Variants in DNHD1 observed in about 807,000 individuals in gnomAD.
DNHD1 encodes the protein dynein heavy chain domain-containing protein 1.
A neutral mutation model predicts 458.1 loss-of-function variants in DNHD1; 383 were observed. The observed-to-expected ratio is 0.84, with a 90% CI of 0.77 to 0.91. The LOEUF (loss-of-function observed/expected upper bound fraction) is 0.91. DNHD1 is among the 40% of genes least tolerant of loss of function. The pLI, the probability that DNHD1 is intolerant of heterozygous loss-of-function variation, is 0.00. For synonymous variants in DNHD1, 2,203 were observed against 2,376.9 expected, an observed-to-expected ratio of 0.93 and a Z score of 2.13; for missense variants, 5,336 against 5,866.1, an observed-to-expected ratio of 0.91 and a Z score of 2.95.
At position 6,571,458 on chromosome 11, in the gene DNHD1, TC is replaced by T. The variant is rs1564826678; in HGVS notation, c.13911+39del. The T allele has an allele frequency of 2.6e-6, 4 of 1,529,260 alleles. No individual in the cohort carries two copies. The highest frequency in any genetic ancestry group is 3.5e-6 in the Non-Finnish European group (4 of 1,133,456). 94.7% of individuals were successfully genotyped at this position (1,529,260 alleles called of 1,614,324 possible). On this transcript the variant is annotated intron_variant, in intron 42 of 42. Transcript: ENST00000254579. This position sits in a 1 kb window ranked among gnomAD's most constrained non-coding sequence, Gnocchi z 5.0. ...CGCCGCCCCTCGTTCGCGGTTCCAG[TC>T]CCCTCGAAGTCTCTAATTACACCTC...
chr11:6,519,781 A>C lies in DNHD1; in HGVS notation c.1574A>C (p.Asp525Ala). 1 of 1,613,802 alleles carries C rather than the reference A, an allele frequency of 6.2e-7. No homozygotes were observed. The highest frequency in any genetic ancestry group is 8.5e-7 in the Non-Finnish European group (1 of 1,180,032). ...LQLGKFARLV[D>A]YMICQSLISV... ...CTGGGAAAGTTTGCCCGCCTGGTTG[A>C]CTACATGATTTGTCAGAGCCTCATT... The change falls in exon 8 of 43, where the codon GAC becomes GCC. Residue 525 changes from aspartate to alanine, a missense_variant. Asp to Ala is a moderately radical substitution (Grantham distance 126). This residue lies in a region of DNHD1 where 3,932 missense variants were observed against 4,365.6 expected (regional missense o/e 0.90). Transcript: ENST00000254579.
intron 37 of DNHD1, 85 bp from the exon 38 acceptor site, chr11:6,568,369 G>T: frequency 6.3e-7 from 1 of 1,587,208 alleles, no homozygotes; most frequent in South Asian, 1.1e-5. Flanking sequence ...TCTGACTCCT[G>T]ACACCCCTAG....
At chr11:6,515,875 C>G (rs894154535) in intron 7 of DNHD1, among the ~76,000 whole-genome samples, 1 of 150,726 alleles carries the variant, frequency 6.6e-6, no homozygotes, top group East Asian at 1.9e-4. Flanking sequence ...ACCTCCACCC[C>G]CTTGGGCTCA....
At chr11:6,522,129 T>C (rs970010514) in intron 10 of DNHD1, among the ~76,000 whole-genome samples, 6 of 152,226 alleles carry the variant, frequency 3.9e-5, no homozygotes, top group Non-Finnish European at 7.3e-5. Flanking sequence ...GTTGGCCGCA[T>C]GTATGTCTTC....
Position 6,563,996 on chromosome 11 carries a change from G to C in DNHD1, c.10156G>C (p.Glu3386Gln), listed in dbSNP as rs1478917284. The C allele has an allele frequency of 3.2e-6, 5 of 1,551,738 alleles. No individual in the cohort carries two copies. Among genetic ancestry groups the C allele is most frequent in the Admixed American group, 3.9e-5 (2 of 51,012 alleles). ...EHNLALAKMV[E>Q]DAQASHNCVA... The stretch of plus-strand genomic sequence containing the variant: ...TAATTTGGCCCTGGCTAAGATGGTG[G>C]AGGATGCCCAAGCTTCCCACAACTG... The change falls in exon 31 of 43, where the codon GAG becomes CAG. Residue 3386 changes from glutamate to glutamine, a missense_variant. Glu to Gln is a conservative substitution (Grantham distance 29). Coordinates refer to ENST00000254579, the MANE Select transcript of DNHD1 (RefSeq NM_144666.3).
In DNHD1 at chr11:6,569,314, T is replaced by G. The variant is rs538567852; in HGVS notation, c.12863+448T>G. 5.8e-4 allele frequency among the ~76,000 whole-genome samples: 88 copies of G among 152,306 alleles called. No individual in the cohort carries two copies. The Middle Eastern group carries it at 0.014, about 24-fold the overall frequency. On this transcript the variant is annotated intron_variant, in intron 39 of 42. Coordinates refer to ENST00000254579, the MANE Select transcript of DNHD1 (RefSeq NM_144666.3). ...CTGGCTAACACAGTGAAACCCCATC[T>G]GTACTAAAAATACAAAAACTTAGCC...
intron 6 of DNHD1, among the ~76,000 whole-genome samples, chr11:6,510,208 T>A (rs1257917998): frequency 6.6e-6 from 1 of 152,010 alleles, no homozygotes; most frequent in African/African-American, 2.4e-5. Flanking sequence ...CTCAGCCTCC[T>A]GAGTAGCTGG....
rs775587577 is a variant in DNHD1, at chr11:6,533,757, G to A, written c.2582G>A (p.Arg861His). Reference protein sequence around the residue: ...EYVRALHELIRNHFSLFSAEN... With the variant: ...EYVRALHELIHNHFSLFSAEN... ...GTACGGGCACTCCACGAACTCATCC[G>A]CAACCACTTTAGCCTCTTTAGTGCT... The change falls in exon 14 of 43, where the codon CGC becomes CAC. Residue 861 changes from arginine to histidine, a missense_variant. Transcript: ENST00000254579. 38 of 1,551,344 alleles carry A rather than the reference G, an allele frequency of 2.4e-5. No individual in the cohort carries two copies. In the Admixed American group the frequency reaches 2.6e-4, roughly 10 times the overall value.
intron 7 of DNHD1, among the ~76,000 whole-genome samples, chr11:6,517,648 ACTT>A (rs202133388): frequency 0.035 from 3,862 of 108,944 alleles, 259 homozygotes; most frequent in South Asian, 0.059. Flanking sequence ...ATGATCTAGG[ACTT>A]CTTTTTTTTT....
rs772026296 is a variant in DNHD1, at chr11:6,567,689, CACT to C, written c.12182_12184del (p.Thr4061del). The C allele has an allele frequency of 5.0e-6, 8 of 1,613,920 alleles. No individual in the cohort carries two copies. The highest frequency in any genetic ancestry group is 5.9e-6 in the Non-Finnish European group (7 of 1,179,900). On this transcript the variant is annotated inframe_deletion, in exon 36 of 43. Transcript: ENST00000254579. Reference sequence around the variant, plus strand: ...TGGCAGGTGCCCTGGCAGACTTCACCACTAGCCTCCTGGGTCGGCCCCTGGATG... The same window carrying C: ...TGGCAGGTGCCCTGGCAGACTTCACCAGCCTCCTGGGTCGGCCCCTGGATG...
chr11:6,554,226 G>T (rs539977840), intron 24 of DNHD1, among the ~76,000 whole-genome samples: 1 of 152,218 alleles, frequency 6.6e-6, no homozygotes, highest in Non-Finnish European at 1.5e-5. Flanking sequence ...ATAATTCAAT[G>T]GGGGAAAGGA....
At position 6,520,072 on chromosome 11, in the gene DNHD1, C is replaced by A; in HGVS notation, c.1755C>A (p.Gly585=). Residue 585 remains glycine (G), a synonymous_variant, in exon 9 of 43, where the codon GGC becomes GGA. Transcript: ENST00000254579. The part of the protein sequence containing the change: ...VENMIQTLTG[G]LQSVKTSALQ... ...ATATGATCCAGACTCTAACTGGAGG[C>A]CTACAGTCTGTCAAGACCTCTGCCT... 1 of 1,614,198 alleles carries A rather than the reference C, an allele frequency of 6.2e-7. No individual in the cohort carries two copies. Among genetic ancestry groups the A allele is most frequent in the South Asian group, 1.1e-5 (1 of 91,078 alleles).
At position 6,546,716 on chromosome 11, in the gene DNHD1, A is replaced by G. The variant is rs773180629; in HGVS notation, c.5777A>G (p.His1926Arg). Residue 1926 changes from histidine to arginine, a missense_variant, in exon 21 of 43, where the codon CAC (histidine) becomes CGC (arginine). By Grantham distance (29) the His-to-Arg change is conservative. Coordinates refer to ENST00000254579, the MANE Select transcript of DNHD1 (RefSeq NM_144666.3). ...AGCATTCTCAATGGGCTCCACCTGC[A>G]CAACCTCCGAGGGCTGTTGTGTGCG... ...LFSILNGLHL[H>R]NLRGLLCALF... 1 of 1,551,486 alleles carries G rather than the reference A, an allele frequency of 6.4e-7. No homozygotes were observed. The highest frequency in any genetic ancestry group is 8.7e-7 in the Non-Finnish European group (1 of 1,146,956).
chr11:6,508,711 T>C, intron 4 of DNHD1, 169 bp from the exon 5 acceptor site: 1 of 634,768 alleles, frequency 1.6e-6, no homozygotes, highest in Non-Finnish European at 2.7e-6. Context: ...CTTAATAATA[T>C]TTGTTTCATC....
Position 6,497,648 on chromosome 11 carries a change from G to C in DNHD1, c.-465G>C, listed in dbSNP as rs1240674286. The C allele has an allele frequency of 1.3e-5, 2 of 153,714 alleles. No individual in the cohort carries two copies. Among genetic ancestry groups the C allele is most frequent in the African/African-American group, 4.8e-5 (2 of 41,462 alleles). 9.5% of individuals were successfully genotyped at this position (153,714 alleles called of 1,614,324 possible). A position where few individuals can be genotyped will look rare whatever the true frequency, so the allele number is the denominator to read the frequency against. On this transcript the variant is annotated 5_prime_UTR_variant, in exon 2 of 43. Coordinates refer to ENST00000254579, the MANE Select transcript of DNHD1 (RefSeq NM_144666.3). ...GAGGTTCAGAGTGAGCTCTGTCGGT[G>C]TGTCAGTTTGCCTCTTCAGGTGATT... is the stretch of plus-strand genomic sequence containing the variant.
Position 6,545,065 on chromosome 11 carries a change from G to A in DNHD1, c.4126G>A (p.Glu1376Lys). 1 of 1,551,890 alleles carries A rather than the reference G, an allele frequency of 6.4e-7. No individual in the cohort carries two copies. The highest frequency in any genetic ancestry group is 1.4e-5 in the African/African-American group (1 of 73,162). Residue 1376 changes from glutamate (E) to lysine (K), a missense_variant, in exon 21 of 43, where the codon GAA becomes AAA. Physicochemically the swap from Glu to Lys is moderately conservative, Grantham distance 56. Coordinates refer to ENST00000254579, the MANE Select transcript of DNHD1 (RefSeq NM_144666.3). The surrounding 1 kb of genome is among the most constrained non-coding windows in gnomAD (Gnocchi z 4.9). ...GGTAGCCCTGCTGGCTGCTCGACTG[G>A]AATCATGCGAAGCCCAGCTATGGGT... The part of the protein sequence containing the change: ...ELVALLAARL[E>K]SCEAQLWVRR...
rs188494993 is a variant in DNHD1, at chr11:6,533,856, C to G, written c.2681C>G (p.Pro894Arg). 1.7e-5 allele frequency: 27 copies of G among 1,551,258 alleles called. No individual in the cohort carries two copies. The South Asian group carries it at 1.9e-4, about 11-fold the overall frequency. ...CCCATCCCTCCCTGCCCTCCTCCCC[C>G]ACAACCACATCTACTCCACTGCCCT... ...ESPIPPCPPP[P>R]QPHLLHCPLL... The change falls in exon 14 of 43, where the codon CCA becomes CGA. Residue 894 changes from proline (P) to arginine (R), a missense_variant. Pro to Arg is a moderately radical substitution (Grantham distance 103). Coordinates refer to ENST00000254579, the MANE Select transcript of DNHD1 (RefSeq NM_144666.3).
chr11:6,504,724 C>G (rs930767891), intron 4 of DNHD1, among the ~76,000 whole-genome samples: 2 of 152,212 alleles, frequency 1.3e-5, no homozygotes, highest in African/African-American at 4.8e-5. Context: ...GCTGGGATTA[C>G]AGGCATGAGC....
intron 18 of DNHD1, among the ~76,000 whole-genome samples, chr11:6,542,533 T>C (rs766967023): frequency 2.0e-5 from 3 of 152,192 alleles, no homozygotes; most frequent in Admixed American, 6.5e-5. Context: ...ACTTGTGTGG[T>C]TGAGGTTTCT....
Sources: allele counts gnomAD v4.1 joint callset (sites outside exome capture counted in the v4.1 genomes callset), GRCh38; gene constraint gnomAD v4.1.1; regional missense constraint gnomAD v4.1.1; non-coding constraint Gnocchi (gnomAD v3.1); transcripts MANE v1.5; gene names NCBI Gene and HGNC (gene_info 2026-07-23, HGNC 2026-07-21).